Variants in OPLAH observed in about 807,000 individuals in gnomAD.
OPLAH encodes 5-oxoprolinase.
A neutral mutation model predicts 122.8 loss-of-function variants in OPLAH; 103 were observed. The ratio of observed to expected loss-of-function variants is 0.84; its 90% CI spans 0.71 to 0.99. The LOEUF is 0.99. Among genes scored for constraint, OPLAH ranks in the 50% least tolerant of loss-of-function variants. OPLAH has a pLI of 0.00. For synonymous variants in OPLAH, 875 were observed against 796.0 expected (o/e 1.10, Z -1.67); for missense variants, 1,902 against 1,836.5 (o/e 1.04, Z -0.65).
chr8:144,054,795 C>T lies in OPLAH; in HGVS notation c.2511+17G>A, dbSNP rs1241393979. Reference sequence around the variant, plus strand: ...CCACCACTGCCCCAGCAGAGGCAGGCGGGCAGCACCCCTCACCGGTGTGAT... The same window carrying T: ...CCACCACTGCCCCAGCAGAGGCAGGTGGGCAGCACCCCTCACCGGTGTGAT... On this transcript the variant is annotated intron_variant, in intron 18 of 26. Transcript: ENST00000618853. 26 of 1,611,882 alleles carry T rather than the reference C, an allele frequency of 1.6e-5. No individual in the cohort carries two copies. The highest frequency in any genetic ancestry group is 4.5e-5 in the East Asian group (2 of 44,886).
At position 144,058,124 on chromosome 8, in the gene OPLAH, T is replaced by C. The variant is rs1198397805; in HGVS notation, c.974A>G (p.Tyr325Cys). Reference protein sequence around the residue: ...MGGTSTDVSRYAGEFEHVFEA... With the variant: ...MGGTSTDVSRCAGEFEHVFEA... ...GAAGACGTGCTCGAATTCCCCAGCA[T>C]AGCGGCTCACATCCGTGGACGTGCC... The change falls in exon 8 of 27, where the codon TAT becomes TGT. Residue 325 changes from tyrosine (Y) to cysteine (C), a missense_variant. Transcript: ENST00000618853. 1 of 1,612,314 alleles carries C rather than the reference T, an allele frequency of 6.2e-7. No individual in the cohort carries two copies. Among genetic ancestry groups the C allele is most frequent in the African/African-American group, 1.3e-5 (1 of 74,892 alleles).
rs1213216481 is a variant in OPLAH at position 144,056,958 on chromosome 8, C to T, written c.1696G>A (p.Gly566Ser). The T allele has an allele frequency of 1.9e-6, 3 of 1,576,680 alleles. No homozygotes were observed. The African/African-American group carries it at 4.0e-5, about 21-fold the overall frequency. The change falls in exon 12 of 27, where the codon GGC becomes AGC. Residue 566 changes from glycine to serine, a missense_variant. Physicochemically the swap from Gly to Ser is moderately conservative, Grantham distance 56 (BLOSUM62 0). Around this residue, in one of 3 missense-constraint regions of OPLAH, gnomAD observed 1,726 missense variants for 1,642.1 expected, o/e 1.05. Coordinates refer to ENST00000618853, the MANE Select transcript of OPLAH (RefSeq NM_017570.5). ...EQCVDALQAQ[G>S]FPRSQISTES... ...ACCCTGGGAGCCCACCTGGGGAAGC[C>T]CTGGGCCTGCAGAGCATCCACACAC...
Position 144,051,492 on chromosome 8 carries a change from CGG to C in OPLAH, c.3721-22_3721-21del. ...CACATCCTGTTGGCGCGGGGGGGGG[CGG>C]GGAGGCGGGCTCAGTGCAGGCGTGG... On this transcript the variant is annotated intron_variant, in intron 26 of 26. Coordinates refer to ENST00000618853, the MANE Select transcript of OPLAH (RefSeq NM_017570.5). 2.4e-6 allele frequency: 1 copy of C among 413,256 alleles called. No individual in the cohort carries two copies. The highest frequency in any genetic ancestry group is 3.4e-6 in the Non-Finnish European group (1 of 292,054). 25.6% of individuals were successfully genotyped at this position (413,256 alleles called of 1,614,324 possible). A position where few individuals can be genotyped will look rare whatever the true frequency, so the allele number is the denominator to read the frequency against.
intron 22 of OPLAH, 27 bp from the exon 23 acceptor site, chr8:144,052,625 G>A (rs782214855): frequency 1.4e-5 from 22 of 1,573,314 alleles, no homozygotes; most frequent in Non-Finnish European, 1.9e-5. Context: ...GCTCTCAGGA[G>A]CTCTTGGGGT....
downstream of OPLAH, chr8:144,050,690 C>T (rs180717069): frequency 0.015 from 14,521 of 985,364 alleles, 124 homozygotes; most frequent in Non-Finnish European, 0.016. Context: ...CAGCCCTGGG[C>T]CCTGGGTATC....
In OPLAH at chr8:144,058,984, C is replaced by T; in HGVS notation, c.459G>A (p.Val153=). The change falls in exon 4 of 27, where the codon GTG becomes GTA. Residue 153 remains valine, a synonymous_variant. Transcript: ENST00000618853. ...CAGCAGCGGCGGCACACACACCTTT[C>T]ACAGGCGTCCCGGTGCCCGCCTCTC... ...HRGEAGTGTP[V]KGRTGDLLEV... 6.4e-7 allele frequency: 1 copy of T among 1,563,554 alleles called. No individual in the cohort carries two copies. The highest frequency in any genetic ancestry group is 8.7e-7 in the Non-Finnish European group (1 of 1,155,676).
rs781818673 is a variant in OPLAH at position 144,053,013 on chromosome 8, G to GA, written c.2987dup (p.Arg997ProfsTer16). The GA allele has an allele frequency of 6.2e-7, 1 of 1,604,018 alleles. No individual in the cohort carries two copies. Among genetic ancestry groups the GA allele is most frequent in the East Asian group, 2.2e-5 (1 of 44,552 alleles). On this transcript the variant is annotated frameshift_variant, in exon 21 of 27. Transcript: ENST00000618853. LOFTEE classifies it high-confidence loss of function. ...TCAGGCTGATCTGCACACGGAGGCG[G>GA]ATGGGGGAACCGTCGTCCATGTGGT...
chr8:144,059,235 G>C (rs1835608751), intron 3 of OPLAH, among the ~76,000 whole-genome samples, 156 bp from the exon 4 acceptor site: 1 of 152,158 alleles, frequency 6.6e-6, no homozygotes, highest in Non-Finnish European at 1.5e-5. Context: ...GCTCACCAAG[G>C]GGGCAGCTCT....
chr8:144,056,365 G>T lies in OPLAH; in HGVS notation c.1983+20C>A, dbSNP rs781971702. 6.3e-7 allele frequency: 1 copy of T among 1,597,656 alleles called. No individual in the cohort carries two copies. The highest frequency in any genetic ancestry group is 8.5e-7 in the Non-Finnish European group (1 of 1,171,268). Reference sequence around the variant, plus strand: ...GTGCCCCATGGGTGCTGTCAGGCTGGCACAGGCAGGACCACCAACCTTGTC... The same window carrying T: ...GTGCCCCATGGGTGCTGTCAGGCTGTCACAGGCAGGACCACCAACCTTGTC... On this transcript the variant is annotated intron_variant, in intron 14 of 26. Transcript: ENST00000618853.
chr8:144,058,064 G>A lies in OPLAH; in HGVS notation c.1034C>T (p.Pro345Leu), dbSNP rs782265891. 38 of 1,612,442 alleles carry A rather than the reference G, an allele frequency of 2.4e-5. No individual in the cohort carries two copies. The highest frequency in any genetic ancestry group is 2.7e-5 in the African/African-American group (2 of 74,904). ...TGCCACGGTGTTGATGTCCAGCTGC[G>A]GGGCCTGGAGGGTGACGCCAGCTGT... ...ASTAGVTLQA[P>L]QLDINTVAAG... The change falls in exon 8 of 27, where the codon CCG becomes CTG. Residue 345 changes from proline to leucine, a missense_variant. This residue lies in a region of OPLAH where 1,726 missense variants were observed against 1,642.1 expected (regional missense o/e 1.05). Transcript: ENST00000618853.
intron 3 of OPLAH, among the ~76,000 whole-genome samples, 167 bp downstream of exon 3, chr8:144,059,432 C>A (rs1456203837): frequency 6.6e-6 from 1 of 152,224 alleles, no homozygotes; most frequent in Non-Finnish European, 1.5e-5. Context: ...GTGCCCACTC[C>A]GAGGGCTAGG....
rs1554757592 is a variant in OPLAH at position 144,051,363 on chromosome 8, C to T, written c.3830G>A (p.Ser1277Asn). Residue 1277 changes from serine (S) to asparagine (N), a missense_variant, in exon 27 of 27, where the codon AGC becomes AAC. Ser to Asn is a conservative substitution (Grantham distance 46). This residue lies in a region of OPLAH where 1,726 missense variants were observed against 1,642.1 expected (regional missense o/e 1.05). Coordinates refer to ENST00000618853, the MANE Select transcript of OPLAH (RefSeq NM_017570.5). ...CTGGGCCCGGCGATACTCATAGACG[C>T]TGCCGTGCTCGGGAAAGGCCAGTGC... ...PQALAFPEHG[S>N]VYEYRRAQEA... 2 of 1,610,240 alleles carry T rather than the reference C, an allele frequency of 1.2e-6. No individual in the cohort carries two copies.
rs782577197 is a variant in OPLAH at position 144,057,610 on chromosome 8, A to G, written c.1260T>C (p.Pro420=). Residue 420 remains proline (P), a synonymous_variant, in exon 10 of 27, where the codon CCT becomes CCC. Transcript: ENST00000618853. Reference sequence around the variant, plus strand: ...CCTCCAGGGCTTTGCGGGAGGCCTCAGGGGAAAGTGGTTGGTTCTCTCCCG... The same window carrying G: ...CCTCCAGGGCTTTGCGGGAGGCCTCGGGGGAAAGTGGTTGGTTCTCTCCCG... ...FGPGENQPLS[P]EASRKALEAV... 2.5e-6 allele frequency: 4 copies of G among 1,592,086 alleles called. No individual in the cohort carries two copies. The highest frequency in any genetic ancestry group is 2.2e-5 in the East Asian group (1 of 44,604).
rs1835366992 is a variant in OPLAH, at chr8:144,051,291, AC to A, written c.*34del. The A allele has an allele frequency of 6.2e-7, 1 of 1,608,298 alleles. No individual in the cohort carries two copies. The highest frequency in any genetic ancestry group is 8.5e-7 in the Non-Finnish European group (1 of 1,178,148). Reference sequence around the variant, plus strand: ...TAGGCGCCGTAGCTGCGTCCCCAGAACCGGGAGACTTAAGGCATCTTTATTG... The same window carrying A: ...TAGGCGCCGTAGCTGCGTCCCCAGAACGGGAGACTTAAGGCATCTTTATTG... On this transcript the variant is annotated 3_prime_UTR_variant, in exon 27 of 27. Transcript: ENST00000618853.
rs140470249 is a variant in OPLAH, at chr8:144,053,495, C to T, written c.2687-102G>A. 1,138 of 1,187,068 alleles carry T rather than the reference C, an allele frequency of 9.6e-4. 9 individuals are homozygous for T. The East Asian group carries it at 0.014, about 15-fold the overall frequency. 73.5% of individuals were successfully genotyped at this position (1,187,068 alleles called of 1,614,324 possible). Reference sequence around the variant, plus strand: ...AAGGTCTCTGGCCCCTAGAAAGCACCGAGGCCTGGCCTGGGACTGCTCAGC... The same window carrying T: ...AAGGTCTCTGGCCCCTAGAAAGCACTGAGGCCTGGCCTGGGACTGCTCAGC... On this transcript the variant is annotated intron_variant, in intron 19 of 26. Transcript: ENST00000618853.
chr8:144,051,178 T>A, downstream of OPLAH: 1 of 1,441,110 alleles, frequency 6.9e-7, no homozygotes, highest in Non-Finnish European at 9.1e-7. Context: ...GCAGTGCGCC[T>A]GCAGCTCCGA....
chr8:144,052,924 A>G, intron 21 of OPLAH, 24 bp from the exon 22 acceptor site: 1 of 1,564,316 alleles, frequency 6.4e-7, no homozygotes, highest in South Asian at 1.2e-5. Context: ...GGGAAGGGAG[A>G]GGCTGTCAGC....
rs1554757570 is a variant in OPLAH, at chr8:144,051,306, G to A, written c.*20C>T. ...CGTCCCCAGAACCGGGAGACTTAAG[G>A]CATCTTTATTGCGGGATCCTCACAC... On this transcript the variant is annotated 3_prime_UTR_variant, in exon 27 of 27. Coordinates refer to ENST00000618853, the MANE Select transcript of OPLAH (RefSeq NM_017570.5). 6.2e-6 allele frequency: 10 copies of A among 1,610,228 alleles called. No homozygotes were observed. Among genetic ancestry groups the A allele is most frequent in the Non-Finnish European group, 8.5e-6 (10 of 1,178,832 alleles).
Position 144,054,830 on chromosome 8 carries a change from G to A in OPLAH, c.2493C>T (p.Asp831=). Residue 831 remains aspartate, a synonymous_variant, in exon 18 of 27, where the codon GAC becomes GAT. Coordinates refer to ENST00000618853, the MANE Select transcript of OPLAH (RefSeq NM_017570.5). ...CCCTCACCGGTGTGATAACAGTCAG[G>A]TCTGGCAGGTGGCTGCCCCCGGCAC... ...HPSAGGSHLP[D]LTVITPVFWP... is the part of the protein sequence containing the mutation. 8 of 1,612,294 alleles carry A rather than the reference G, an allele frequency of 5.0e-6. No homozygotes were observed. Among genetic ancestry groups the A allele is most frequent in the Non-Finnish European group, 6.8e-6 (8 of 1,179,794 alleles).
Sources: gnomAD v4.1 joint callset for allele counts (sites outside exome capture counted in the v4.1 genomes callset) on GRCh38, gnomAD v4.1.1 for gene constraint, gnomAD v4.1.1 regional missense constraint, MANE v1.5 for transcripts, NCBI Gene and HGNC (gene_info 2026-07-23, HGNC 2026-07-21) for gene names.